HILPDA: variants seen among roughly 807,000 people sequenced by gnomAD.
HILPDA encodes hypoxia-inducible lipid droplet-associated protein.
For synonymous variants in HILPDA, 37 were observed against 33.2 expected, an observed-to-expected ratio of 1.12 and a Z score of -0.40; for missense variants, 72 against 73.5, an observed-to-expected ratio of 0.98 and a Z score of 0.08.
In HILPDA at chr7:128,457,573, C is replaced by G. The variant is rs548888780; in HGVS notation, c.*113C>G. 37 of 1,030,794 alleles carry G rather than the reference C, an allele frequency of 3.6e-5. No homozygotes were observed. In the African/African-American group the frequency reaches 5.4e-4, roughly 15 times the overall value. The allele number at this position is 1,030,794 out of a possible 1,614,324, so 63.9% of individuals were successfully genotyped here. ...CACCGTTGTAACCAGAGAACTATTACTAGGCCTTGAAGAACCTGTCTAACT... is the reference window on the plus strand; with the variant it reads ...CACCGTTGTAACCAGAGAACTATTAGTAGGCCTTGAAGAACCTGTCTAACT... On this transcript the variant is annotated 3_prime_UTR_variant, in exon 2 of 2. Coordinates refer to ENST00000257696, the MANE Select transcript of HILPDA (RefSeq NM_013332.4).
intron 1 of HILPDA, chr7:128,456,488 G>A (rs1342656510): frequency 1.3e-5 from 2 of 159,298 alleles, no homozygotes; most frequent in African/African-American, 4.8e-5. Context: ...AATCTGTGAT[G>A]TGGGAGAGAC....
chr7:128,455,951 A>G lies in HILPDA; in HGVS notation c.-141A>G, dbSNP rs1355573486. ...GAAGCTTCTGCGCTGGTGCTTAGTA[A>G]CCGACTTTCCTCCGGACTCCTGCAC... On this transcript the variant is annotated 5_prime_UTR_variant, in exon 1 of 2. Transcript: ENST00000257696. 2.2e-6 allele frequency: 1 copy of G among 456,490 alleles called. No homozygotes were observed. Among genetic ancestry groups the G allele is most frequent in the Non-Finnish European group, 4.4e-6 (1 of 226,906 alleles). 28.3% of individuals were successfully genotyped at this position (456,490 alleles called of 1,614,324 possible).
In HILPDA at chr7:128,457,052, C is replaced by T. The variant is rs1799551539; in HGVS notation, c.-68-149C>T. The T allele has an allele frequency of 1.2e-5, 5 of 432,870 alleles. No homozygotes were observed. In the South Asian group the frequency reaches 2.6e-4, roughly 22 times the overall value. The allele number at this position is 432,870 out of a possible 1,614,324, so 26.8% of individuals were successfully genotyped here. On this transcript the variant is annotated intron_variant, in intron 1 of 1. Transcript: ENST00000257696. ...CATGAAGTTTGCAATGTAAAATATTCTTGGAGAGTTGCTGTGCAACTCCCT... is the reference window on the plus strand; with the variant it reads ...CATGAAGTTTGCAATGTAAAATATTTTTGGAGAGTTGCTGTGCAACTCCCT...
In HILPDA at chr7:128,457,201, G is replaced by A. The variant is rs1322289199; in HGVS notation, c.-68G>A. On this transcript the variant is annotated splice_region_variant and 5_prime_UTR_variant, in exon 2 of 2. Coordinates refer to ENST00000257696, the MANE Select transcript of HILPDA (RefSeq NM_013332.4). ...TTCATCCTTTCCTCTTTTTTCTCAG[G>A]GTCCAGAGGCCTTTCAGAAGGAGAA... The A allele has an allele frequency of 7.5e-7, 1 of 1,332,714 alleles. No individual in the cohort carries two copies. Among genetic ancestry groups the A allele is most frequent in the Non-Finnish European group, 1.0e-6 (1 of 959,150 alleles). 82.6% of individuals were successfully genotyped at this position (1,332,714 alleles called of 1,614,324 possible).
Position 128,457,236 on chromosome 7 carries a change from GT to G in HILPDA, c.-30del. 6.3e-7 allele frequency: 1 copy of G among 1,580,600 alleles called. No homozygotes were observed. The highest frequency in any genetic ancestry group is 8.6e-7 in the Non-Finnish European group (1 of 1,156,192). ...CCTTTCAGAAGGAGAAGGCAGCTCT[GT>G]TTCTCTGCAGAGGAGTAGGGTCCTT... On this transcript the variant is annotated 5_prime_UTR_variant, in exon 2 of 2. Coordinates refer to ENST00000257696, the MANE Select transcript of HILPDA (RefSeq NM_013332.4).
Position 128,457,604 on chromosome 7 carries a change from C to A in HILPDA, c.*144C>A. The A allele has an allele frequency of 2.5e-6, 2 of 800,198 alleles. No individual in the cohort carries two copies. The highest frequency in any genetic ancestry group is 4.0e-6 in the Non-Finnish European group (2 of 499,870). 49.6% of individuals were successfully genotyped at this position (800,198 alleles called of 1,614,324 possible). ...CTTGAAGAACCTGTCTAACTGGATG[C>A]TCATTGCCTGGGCAAGGCCTGTTTA... On this transcript the variant is annotated 3_prime_UTR_variant, in exon 2 of 2. Transcript: ENST00000257696.
At chr7:128,457,050 T>C (rs943292667) in intron 1 of HILPDA, among the ~76,000 whole-genome samples, 151 bp from the exon 2 acceptor site, 4 of 152,194 alleles carry the variant, frequency 2.6e-5, no homozygotes, top group Non-Finnish European at 5.9e-5. Flanking sequence ...ATGTAAAATA[T>C]TCTTGGAGAG....
Position 128,457,430 on chromosome 7 carries a change from C to T in HILPDA, c.162C>T (p.Gly54=), listed in dbSNP as rs759258184. ...SQLANTEPTK[G]LPDHPSRSM ...TAGCCAACACAGAGCCCACCAAGGG[C>T]CTTCCAGACCATCCATCCAGAAGCA... The change falls in exon 2 of 2, where the codon GGC becomes GGT. Residue 54 remains glycine, a synonymous_variant. Coordinates refer to ENST00000257696, the MANE Select transcript of HILPDA (RefSeq NM_013332.4). The T allele has an allele frequency of 2.5e-6, 4 of 1,614,194 alleles. No homozygotes were observed. Among genetic ancestry groups the T allele is most frequent in the Non-Finnish European group, 2.5e-6 (3 of 1,180,018 alleles).
At position 128,457,204 on chromosome 7, in the gene HILPDA, C is replaced by T; in HGVS notation, c.-65C>T. The T allele has an allele frequency of 7.2e-7, 1 of 1,380,790 alleles. No individual in the cohort carries two copies. Among genetic ancestry groups the T allele is most frequent in the Non-Finnish European group, 1.0e-6 (1 of 990,058 alleles). 85.5% of individuals were successfully genotyped at this position (1,380,790 alleles called of 1,614,324 possible). A position where few individuals can be genotyped will look rare whatever the true frequency, so the allele number is the denominator to read the frequency against. ...ATCCTTTCCTCTTTTTTCTCAGGGTCCAGAGGCCTTTCAGAAGGAGAAGGC... is the reference window on the plus strand; with the variant it reads ...ATCCTTTCCTCTTTTTTCTCAGGGTTCAGAGGCCTTTCAGAAGGAGAAGGC... On this transcript the variant is annotated 5_prime_UTR_variant, in exon 2 of 2. Transcript: ENST00000257696.
Sources: gnomAD v4.1 joint callset for allele counts (sites outside exome capture counted in the v4.1 genomes callset) on GRCh38, gnomAD v4.1.1 for gene constraint, MANE v1.5 for transcripts, NCBI Gene and HGNC (gene_info 2026-07-23, HGNC 2026-07-21) for gene names.